The following XYLB variants were observed in gnomAD, a reference collection of about 807,000 sequenced individuals.
The protein encoded by XYLB is xylulose kinase.
In XYLB, 62 loss-of-function variants were observed where a neutral mutation model predicts 78.7. That is an observed-to-expected ratio of 0.79 (90% CI 0.64 to 0.97). The LOEUF is 0.97. Ranked by LOEUF, XYLB falls within the 50% of genes least tolerant of loss-of-function variation. The pLI is 0.00. For synonymous variants in XYLB, 245 were observed against 247.4 expected (o/e 0.99, Z 0.09); for missense variants, 687 against 676.8 (o/e 1.02, Z -0.17).
In XYLB at chr3:38,400,890, G is replaced by C. The variant is rs1296601930; in HGVS notation, c.1439-1G>C. On this transcript the variant is annotated splice_acceptor_variant, in intron 17 of 18. Transcript: ENST00000207870. LOFTEE classifies it high-confidence loss of function. ...AATGTGAAGTGACCTTTCCCTTCTA[G>C]GTCTTGCAGGTGGAACAGATGTGCC... 1.2e-6 allele frequency: 2 copies of C among 1,613,750 alleles called. No individual in the cohort carries two copies. Among genetic ancestry groups the C allele is most frequent in the Admixed American group, 1.7e-5 (1 of 59,920 alleles).
Position 38,413,102 on chromosome 3 carries a change from C to T in XYLB, c.*89C>T. On this transcript the variant is annotated 3_prime_UTR_variant, in exon 19 of 19. Transcript: ENST00000207870. ...GACAGGAGGGATCCACTTCTCTGTT[C>T]TGAACAGCTCTTCCTGCCCCTACTG... 6.9e-6 allele frequency: 9 copies of T among 1,302,730 alleles called. No individual in the cohort carries two copies. Among genetic ancestry groups the T allele is most frequent in the Non-Finnish European group, 9.4e-6 (9 of 957,106 alleles). The allele number at this position is 1,302,730 out of a possible 1,614,324, so 80.7% of individuals were successfully genotyped here. A position where few individuals can be genotyped will look rare whatever the true frequency, so the allele number is the denominator to read the frequency against.
chr3:38,362,882 C>A, intron 3 of XYLB, 55 bp from the exon 4 acceptor site: 2 of 1,387,712 alleles, frequency 1.4e-6, no homozygotes, highest in African/African-American at 1.5e-5. Context: ...CTGAGGCTTG[C>A]GTGTCTGATT....
intron 2 of XYLB, among the ~76,000 whole-genome samples, chr3:38,351,019 G>A (rs1348835797): frequency 6.6e-6 from 1 of 151,288 alleles, no homozygotes; most frequent in Non-Finnish European, 1.5e-5. Context: ...TGGCAGGCAT[G>A]GTGACAGGCA....
At chr3:38,435,109 C>T in the XYLB span, among the ~76,000 whole-genome samples, 16 of 152,296 alleles carry the variant, frequency 1.1e-4, no homozygotes, top group Admixed American at 8.5e-4. Flanking sequence ...TCACTCCAGC[C>T]TGGGTGACAG....
At position 38,413,314 on chromosome 3, in the gene XYLB, C is replaced by T. The variant is rs997191374; in HGVS notation, c.*301C>T. ...ATGTCCAATAAAAACTATGACTTTTCCCCTTGCAGAGGCAGAATTAAAGCT... is the reference window on the plus strand; with the variant it reads ...ATGTCCAATAAAAACTATGACTTTTTCCCTTGCAGAGGCAGAATTAAAGCT... On this transcript the variant is annotated 3_prime_UTR_variant, in exon 19 of 19. Transcript: ENST00000207870. The T allele has an allele frequency of 1.3e-5, 4 of 304,026 alleles. No individual in the cohort carries two copies. The highest frequency in any genetic ancestry group is 8.7e-5 in the African/African-American group (4 of 46,176). 18.8% of individuals were successfully genotyped at this position (304,026 alleles called of 1,614,324 possible).
chr3:38,432,563 C>G, the XYLB span, among the ~76,000 whole-genome samples: 5 of 147,876 alleles, frequency 3.4e-5, no homozygotes, highest in Non-Finnish European at 6.0e-5. Flanking sequence ...TAGACTCCGT[C>G]AAAAAAAAAA....
At chr3:38,355,751 GGAAGCACAT>G in intron 2 of XYLB, 1 of 703,528 alleles carries the variant, frequency 1.4e-6, no homozygotes, top group Non-Finnish European at 2.6e-6. Context: ...GAGCAACCTT[GGAAGCACAT>G]GTGGAACATG....
intron 17 of XYLB, among the ~76,000 whole-genome samples, chr3:38,399,733 C>T (rs1198189161): frequency 6.6e-6 from 1 of 152,166 alleles, no homozygotes; most frequent in Non-Finnish European, 1.5e-5. Context: ...TTTTCCCTTT[C>T]TGTGCTTGCC....
intron 18 of XYLB, among the ~76,000 whole-genome samples, chr3:38,408,755 C>T (rs1708443265): frequency 6.6e-6 from 1 of 151,856 alleles, no homozygotes; most frequent in South Asian, 2.1e-4. Context: ...ATACTGCAAA[C>T]ACCTCTACGC....
chr3:38,348,887 G>A (rs772621324), intron 2 of XYLB, among the ~76,000 whole-genome samples: 35 of 152,130 alleles, frequency 2.3e-4, no homozygotes, highest in Non-Finnish European at 4.7e-4. Context: ...ACCTGATGGC[G>A]AAACAAAAAG....
rs766838446 is a variant in XYLB, at chr3:38,360,393, A to G, written c.195A>G (p.Val65=). The change falls in exon 3 of 19, where the codon GTA becomes GTG. Residue 65 remains valine, a synonymous_variant. Transcript: ENST00000207870. The part of the protein sequence containing the change: ...HKDGLTVTSP[V]LMWVQALDII... ...ATGGGCTGACGGTCACTTCTCCAGTACTAATGTGGGTCCAGGTAAGCGCAG... is the reference window on the plus strand; with the variant it reads ...ATGGGCTGACGGTCACTTCTCCAGTGCTAATGTGGGTCCAGGTAAGCGCAG... 6.2e-7 allele frequency: 1 copy of G among 1,608,374 alleles called. No individual in the cohort carries two copies. Among genetic ancestry groups the G allele is most frequent in the Admixed American group, 1.7e-5 (1 of 59,096 alleles).
intron 15 of XYLB, among the ~76,000 whole-genome samples, chr3:38,391,817 A>G (rs1295079483): frequency 2.0e-5 from 3 of 152,204 alleles, no homozygotes; most frequent in Non-Finnish European, 4.4e-5. Flanking sequence ...TAAACATTCT[A>G]CAATATACGG....
intron 15 of XYLB, 105 bp downstream of exon 15, chr3:38,379,447 G>A: frequency 8.8e-7 from 1 of 1,130,204 alleles, no homozygotes; most frequent in South Asian, 1.3e-5. Flanking sequence ...TTTTCTTACA[G>A]GGGGACTTGT....
downstream of XYLB, among the ~76,000 whole-genome samples, chr3:38,416,159 A>G (rs547046483): frequency 5.9e-5 from 9 of 152,310 alleles, no homozygotes; most frequent in South Asian, 1.7e-3. Context: ...ATCAAACTAT[A>G]TATGCTTTGA....
rs1456538409 is a variant in XYLB, at chr3:38,400,821, C to T, written c.1439-70C>T. The T allele has an allele frequency of 6.0e-6, 8 of 1,335,262 alleles. No homozygotes were observed. The African/African-American group carries it at 1.0e-4, about 17-fold the overall frequency. The allele number at this position is 1,335,262 out of a possible 1,614,324, so 82.7% of individuals were successfully genotyped here. A position where few individuals can be genotyped will look rare whatever the true frequency, so the allele number is the denominator to read the frequency against. On this transcript the variant is annotated intron_variant, in intron 17 of 18. Transcript: ENST00000207870. ...AACAGTTTGCCACCCCAGTGAGATC[C>T]TTCGTGGTGTTTTTGGTTAACGTCT...
chr3:38,404,972 G>A (rs944836705), intron 18 of XYLB, among the ~76,000 whole-genome samples: 3 of 152,218 alleles, frequency 2.0e-5, no homozygotes, highest in African/African-American at 7.2e-5. Flanking sequence ...GTAAGACAGC[G>A]TGTGCTTGCC....
rs2125537988 is a variant in XYLB at position 38,346,844 on chromosome 3, G to C, written c.-25G>C. On this transcript the variant is annotated 5_prime_UTR_variant, in exon 1 of 19. Transcript: ENST00000207870. ...CGCGTGGCGGACGGACGGACTGACG[G>C]ACGCGCAGCCTTACCCGAAAGGCCA... 6.7e-7 allele frequency: 1 copy of C among 1,497,976 alleles called. No homozygotes were observed. Among genetic ancestry groups the C allele is most frequent in the East Asian group, 2.9e-5 (1 of 35,008 alleles). The allele number at this position is 1,497,976 out of a possible 1,614,324, so 92.8% of individuals were successfully genotyped here. A position where few individuals can be genotyped will look rare whatever the true frequency, so the allele number is the denominator to read the frequency against.
intron 3 of XYLB, 109 bp downstream of exon 3, chr3:38,360,517 C>T: frequency 2.3e-6 from 2 of 880,918 alleles, no homozygotes; most frequent in Non-Finnish European, 3.5e-6. Context: ...CATCTGTTGT[C>T]ACCAGGTCCT....
intron 16 of XYLB, among the ~76,000 whole-genome samples, chr3:38,396,739 TG>T (rs2125647069): frequency 6.6e-6 from 1 of 152,320 alleles, no homozygotes; most frequent in African/African-American, 2.4e-5. Flanking sequence ...GGCTTGTTAA[TG>T]TTAGTCTAAT....
Sources: allele counts gnomAD v4.1 joint callset (sites outside exome capture counted in the v4.1 genomes callset), GRCh38; gene constraint gnomAD v4.1.1; transcripts MANE v1.5; gene names NCBI Gene and HGNC (gene_info 2026-07-23, HGNC 2026-07-21).